Variants in ITCH observed in about 807,000 individuals in gnomAD.
ITCH encodes itchy E3 ubiquitin protein ligase, also known as E3 ubiquitin-protein ligase Itchy homolog.
In ITCH, 28 loss-of-function variants were observed where a neutral mutation model predicts 126.8. The ratio of observed to expected loss-of-function variants is 0.22; its 90% CI spans 0.16 to 0.30. The LOEUF (loss-of-function observed/expected upper bound fraction) is 0.30. Ranked by LOEUF, ITCH falls within the 10% of genes least tolerant of loss-of-function variation. The probability of loss-of-function intolerance (pLI) is 1.00; values close to 1 mark genes in which losing one functional copy is unlikely to be tolerated. For missense variants in ITCH, 631 were observed against 1,032.4 expected, an observed-to-expected ratio of 0.61 and a Z score of 5.33; for synonymous variants, 342 against 340.0, an observed-to-expected ratio of 1.01 and a Z score of -0.06.
chr20:34,475,474 G>A (rs557513305), intron 16 of ITCH, among the ~76,000 whole-genome samples: 3 of 152,294 alleles, frequency 2.0e-5, no homozygotes, highest in Non-Finnish European at 2.9e-5. Context: ...CCAACACATC[G>A]AAATCCCGTC....
chr20:34,457,507 T>G, intron 13 of ITCH, 33 bp downstream of exon 13: 11 of 1,333,524 alleles, frequency 8.2e-6, no homozygotes, highest in Non-Finnish European at 9.7e-6. Context: ...ATTTAATCTC[T>G]TAAAGATTAT....
chr20:34,391,989 A>G (rs2038506556), intron 2 of ITCH, among the ~76,000 whole-genome samples: 2 of 152,112 alleles, frequency 1.3e-5, no homozygotes, highest in Admixed American at 1.3e-4. Flanking sequence ...GTTGATGGAG[A>G]TGAGTACCTT....
chr20:34,430,418 A>C (rs1157546456), intron 7 of ITCH, among the ~76,000 whole-genome samples: 4 of 151,994 alleles, frequency 2.6e-5, no homozygotes, highest in Non-Finnish European at 5.9e-5. Flanking sequence ...GTAAAGACTT[A>C]CGGAATTTTT....
intron 16 of ITCH, 53 bp from the exon 17 acceptor site, chr20:34,477,719 G>C: frequency 6.5e-7 from 1 of 1,529,912 alleles, no homozygotes; most frequent in South Asian, 1.1e-5. Flanking sequence ...AGAAGTGGTA[G>C]ACAGTGTTTC....
rs760292143 is a variant in ITCH, at chr20:34,420,329, CAT to C, written c.476-4150_476-4149del. On this transcript the variant is annotated intron_variant, in intron 6 of 24. Coordinates refer to ENST00000374864, the MANE Select transcript of ITCH (RefSeq NM_031483.7). Reference sequence around the variant, plus strand: ...TCAGGATATATCACATAAAAGGAATCATGTGACTTTTTTTGTTTGGATTCTTT... The same window carrying C: ...TCAGGATATATCACATAAAAGGAATCGTGACTTTTTTTGTTTGGATTCTTT... Among the ~76,000 whole-genome samples, 6 of 152,194 alleles carry C rather than the reference CAT, an allele frequency of 3.9e-5. No individual in the cohort carries two copies. The East Asian group carries it at 7.7e-4, about 20-fold the overall frequency.
chr20:34,401,678 T>A, intron 3 of ITCH: 1 of 960,762 alleles, frequency 1.0e-6, no homozygotes, highest in Non-Finnish European at 1.2e-6. Flanking sequence ...CAATCGGTCC[T>A]CCTCACCTTA....
chr20:34,418,165 CTG>C (rs1980212716), intron 6 of ITCH, among the ~76,000 whole-genome samples: 1 of 151,484 alleles, frequency 6.6e-6, no homozygotes, highest in Non-Finnish European at 1.5e-5. Flanking sequence ...GGTTCTCACT[CTG>C]TTGCCCAGGG....
At chr20:34,471,807 C>A (rs1471440616) in intron 16 of ITCH, among the ~76,000 whole-genome samples, 1 of 141,836 alleles carries the variant, frequency 7.1e-6, no homozygotes, top group Non-Finnish European at 1.5e-5. Context: ...TTCAGGTTTC[C>A]ATTTCTAAAC....
chr20:34,401,554 C>A (rs2038884929), intron 3 of ITCH: 22 of 708,658 alleles, frequency 3.1e-5, no homozygotes, highest in Non-Finnish European at 3.8e-5. Context: ...AAAAAGGCAA[C>A]TAACTTTCTA....
chr20:34,405,007 C>T (rs2039008701), intron 3 of ITCH, among the ~76,000 whole-genome samples: 2 of 151,876 alleles, frequency 1.3e-5, no homozygotes, highest in Non-Finnish European at 2.9e-5. Context: ...GATGTGGTGG[C>T]ACGCACCTGT....
chr20:34,456,132 C>G lies in ITCH; in HGVS notation c.1211-1258C>G, dbSNP rs144987871. ...ACACACTCTCAAATTACATTATATT[C>G]CTTATTTTATATATATTTTTATATA... On this transcript the variant is annotated intron_variant, in intron 12 of 24. Coordinates refer to ENST00000374864, the MANE Select transcript of ITCH (RefSeq NM_031483.7). 3.7e-3 allele frequency among the ~76,000 whole-genome samples: 434 copies of G among 118,228 alleles called. 7 individuals carry two copies. In the East Asian group the frequency reaches 0.039, roughly 11 times the overall value. 77.6% of individuals were successfully genotyped at this position (118,228 alleles called of 152,430 possible).
At chr20:34,383,067 G>C (rs909749018) in intron 2 of ITCH, among the ~76,000 whole-genome samples, 2 of 151,430 alleles carry the variant, frequency 1.3e-5, no homozygotes, top group Non-Finnish European at 2.9e-5. Context: ...TTTCAGACAG[G>C]GTCCTACTTT....
intron 7 of ITCH, among the ~76,000 whole-genome samples, chr20:34,438,272 A>C (rs771380340): frequency 7.9e-5 from 12 of 152,266 alleles, no homozygotes; most frequent in Non-Finnish European, 1.6e-4. Flanking sequence ...CCATCACTCT[A>C]TCTCTAGATG....
At chr20:34,395,309 C>A (rs193259609) in intron 3 of ITCH, among the ~76,000 whole-genome samples, 1 of 151,586 alleles carries the variant, frequency 6.6e-6, no homozygotes, top group Admixed American at 6.6e-5. Flanking sequence ...GGGATGGGAA[C>A]AAAGGTAATT....
chr20:34,383,836 CTT>C (rs745864966), intron 2 of ITCH, among the ~76,000 whole-genome samples: 4 of 68,656 alleles, frequency 5.8e-5, no homozygotes, highest in Non-Finnish European at 5.7e-5. Flanking sequence ...GTCTGTAATT[CTT>C]TTTTTTTTTT....
intron 3 of ITCH, among the ~76,000 whole-genome samples, chr20:34,404,795 C>T (rs1336241657): frequency 6.6e-6 from 1 of 152,024 alleles, no homozygotes; most frequent in African/African-American, 2.4e-5. Flanking sequence ...CATTTACGTG[C>T]AGGCACATGG....
intron 3 of ITCH, among the ~76,000 whole-genome samples, chr20:34,408,074 A>T (rs560722841): frequency 8.1e-4 from 123 of 152,244 alleles, no homozygotes; most frequent in African/African-American, 2.6e-3. Context: ...TACGGGTGCA[A>T]GCCACCCTGC....
At position 34,438,619 on chromosome 20, in the gene ITCH, C is replaced by A. The variant is rs1468406753; in HGVS notation, c.667C>A (p.Pro223Thr). Residue 223 changes from proline (P) to threonine (T), a missense_variant, in exon 8 of 25, where the codon CCA (proline) becomes ACA (threonine). Transcript: ENST00000374864. Reference sequence around the variant, plus strand: ...ACCTTCACGACCACCACCACCCACCCCACGTAGACCAGGTTTGTATTCCAG... The same window carrying A: ...ACCTTCACGACCACCACCACCCACCACACGTAGACCAGGTTTGTATTCCAG... ...PRPSRPPPPT[P>T]RRPASVNGSP... The A allele has an allele frequency of 1.2e-6, 2 of 1,613,834 alleles. No homozygotes were observed. The highest frequency in any genetic ancestry group is 3.3e-5 in the Admixed American group (2 of 59,968).
intron 12 of ITCH, among the ~76,000 whole-genome samples, chr20:34,450,179 G>C (rs767311419): frequency 3.3e-5 from 5 of 152,200 alleles, no homozygotes; most frequent in Non-Finnish European, 7.3e-5. Context: ...TGCCACTTCT[G>C]TGGTTTTGAT....
Sources: allele counts gnomAD v4.1 joint callset (sites outside exome capture counted in the v4.1 genomes callset), GRCh38; gene constraint gnomAD v4.1.1; transcripts MANE v1.5; gene names NCBI Gene and HGNC (gene_info 2026-07-23, HGNC 2026-07-21).